Variants in MAX observed in about 807,000 individuals in gnomAD.
MAX encodes MYC associated transcriptional regulator X, also known as protein max.
A neutral mutation model predicts 22.3 loss-of-function variants in MAX; 3 were observed. The observed-to-expected ratio is 0.13, with a 90% confidence interval of 0.06 to 0.35. MAX has a LOEUF of 0.35. Ranked by LOEUF, MAX falls within the 10% of genes least tolerant of loss-of-function variation. MAX has a pLI of 1.00. For missense variants in MAX, 119 were observed against 209.4 expected (o/e 0.57, Z 2.66); for synonymous variants, 72 against 77.7 (o/e 0.93, Z 0.39).
chr14:65,027,452 G>A lies in MAX; in HGVS notation c.172-21168C>T. The A allele has an allele frequency of 6.2e-7, 1 of 1,614,200 alleles. No homozygotes were observed. The highest frequency in any genetic ancestry group is 1.6e-4 in the Middle Eastern group (1 of 6,062). ...TTTTTGCCCTTTGGCTGTGTACCTA[G>A]TGTGTGTCAGTTCCTGGAGCTGTGT... On this transcript the variant is annotated intron_variant, in intron 3 of 3. Coordinates refer to the MAX transcript ENST00000341653. This position sits in a 1 kb window ranked among gnomAD's most constrained non-coding sequence, Gnocchi z 5.7.
intron 3 of MAX, among the ~76,000 whole-genome samples, chr14:65,020,899 T>C (rs1372377080): frequency 6.6e-6 from 1 of 151,904 alleles, no homozygotes; most frequent in Non-Finnish European, 1.5e-5. Flanking sequence ...GCCCAGCTAA[T>C]TTTTGTATTT....
At chr14:65,060,397 G>A (rs1379865254) in intron 3 of MAX, among the ~76,000 whole-genome samples, 18 of 147,082 alleles carry the variant, frequency 1.2e-4, no homozygotes, top group Admixed American at 9.4e-4. Flanking sequence ...GAGACCAGCC[G>A]GACCAACATG....
At position 65,011,862 on chromosome 14, in the gene MAX, C is replaced by T. The variant is rs951009485; in HGVS notation, c.172-5578G>A. Among the ~76,000 whole-genome samples the T allele has an allele frequency of 6.6e-6, 1 of 151,998 alleles. No homozygotes were observed. The highest frequency in any genetic ancestry group is 2.4e-5 in the African/African-American group (1 of 41,360). On this transcript the variant is annotated intron_variant, in intron 3 of 3. Transcript: ENST00000341653. This position sits in a 1 kb window ranked among gnomAD's most constrained non-coding sequence, Gnocchi z 4.0. ...AGGCAGGCAGGGAGTAAATTATGGG[C>T]CTTGGAGAAGTCATCCCAGACGGGG...
chr14:65,078,643 C>T lies in MAX; in HGVS notation c.172-607G>A, dbSNP rs1024080578. On this transcript the variant is annotated intron_variant, in intron 3 of 4. Transcript: ENST00000358664. This position sits in a 1 kb window ranked among gnomAD's most constrained non-coding sequence, Gnocchi z 6.4. ...CTCCCAGGTTCAAGTGATTCTTCTG[C>T]CTCAGCCTCCAGAGTAGCTGGGATT... Among the ~76,000 whole-genome samples, 11 of 152,076 alleles carry T rather than the reference C, an allele frequency of 7.2e-5. No individual in the cohort carries two copies. Among genetic ancestry groups the T allele is most frequent in the Admixed American group, 5.9e-4 (9 of 15,266 alleles).
chr14:65,037,094 G>A (rs1209723042), intron 3 of MAX, among the ~76,000 whole-genome samples: 1 of 150,536 alleles, frequency 6.6e-6, no homozygotes, highest in Non-Finnish European at 1.5e-5. Context: ...TGTGTTTTCT[G>A]TGTTTGCTCT....
Position 65,012,042 on chromosome 14 carries a change from T to C in MAX, c.172-5758A>G. The C allele has an allele frequency of 2.8e-6, 1 of 363,284 alleles. No individual in the cohort carries two copies. Among genetic ancestry groups the C allele is most frequent in the Non-Finnish European group, 5.3e-6 (1 of 189,882 alleles). 22.5% of individuals were successfully genotyped at this position (363,284 alleles called of 1,614,324 possible). A position where few individuals can be genotyped will look rare whatever the true frequency, so the allele number is the denominator to read the frequency against. ...TGGCTGCGTGTGCTCATTGCGGCTT[T>C]TCCGTTAGCCCAAAGTCACTGCCTT... On this transcript the variant is annotated intron_variant, in intron 3 of 3. Coordinates refer to the MAX transcript ENST00000341653. The surrounding 1 kb of genome is among the most constrained non-coding windows in gnomAD (Gnocchi z 5.0).
chr14:65,099,694 T>G (rs1045776768), intron 2 of MAX, among the ~76,000 whole-genome samples: 4 of 147,828 alleles, frequency 2.7e-5, no homozygotes, highest in Non-Finnish European at 4.4e-5. Context: ...AACTGGAGAC[T>G]TGCAGGGAAA....
intron 3 of MAX, among the ~76,000 whole-genome samples, chr14:65,064,729 G>C (rs1026589522): frequency 2.0e-5 from 3 of 152,258 alleles, no homozygotes; most frequent in African/African-American, 7.2e-5. Flanking sequence ...TTCATTAGAA[G>C]CACGTAGTTT....
intron 3 of MAX, among the ~76,000 whole-genome samples, chr14:65,033,275 T>C (rs932518136): frequency 2.6e-5 from 4 of 152,236 alleles, no homozygotes; most frequent in African/African-American, 9.6e-5. Context: ...GCACATTTAC[T>C]TAAAATTTGA....
intron 3 of MAX, among the ~76,000 whole-genome samples, chr14:65,081,857 T>C (rs1218983000): frequency 2.6e-5 from 4 of 152,208 alleles, no homozygotes; most frequent in African/African-American, 9.6e-5. Context: ...GCCTCCCATG[T>C]AGCCATGTAA....
In MAX at chr14:65,031,080, T is replaced by A. The variant is rs2062072438; in HGVS notation, c.172-24796A>T. On this transcript the variant is annotated intron_variant, in intron 3 of 3. Transcript: ENST00000341653. The surrounding 1 kb of genome is among the most constrained non-coding windows in gnomAD (Gnocchi z 4.6). ...GCCTTAGCCTCCCAAAGTGCTGGGA[T>A]TACAGGCATGAGCTACCATGCCTGG... Among the ~76,000 whole-genome samples, 3 of 152,016 alleles carry A rather than the reference T, an allele frequency of 2.0e-5. No individual in the cohort carries two copies. The highest frequency in any genetic ancestry group is 6.6e-5 in the Admixed American group (1 of 15,262).
intron 3 of MAX, among the ~76,000 whole-genome samples, chr14:65,046,569 C>G (rs1328983821): frequency 2.6e-5 from 4 of 152,156 alleles, no homozygotes; most frequent in Non-Finnish European, 5.9e-5. Flanking sequence ...AATCTTGGTG[C>G]TTCCAGCTTT....
At chr14:65,065,888 C>T (rs1017974821) in intron 3 of MAX, among the ~76,000 whole-genome samples, 5 of 152,176 alleles carry the variant, frequency 3.3e-5, no homozygotes, top group Non-Finnish European at 7.4e-5. Flanking sequence ...GTATTACCTG[C>T]CTTTTACAAC....
intron 3 of MAX, among the ~76,000 whole-genome samples, chr14:65,091,046 G>A (rs2063492405): frequency 6.6e-6 from 1 of 152,140 alleles, no homozygotes; most frequent in Admixed American, 6.6e-5. Flanking sequence ...TAAGTCAAAG[G>A]AGACTGGAAC....
rs1198717458 is a variant in MAX at position 65,079,206 on chromosome 14, C to G, written c.172-1170G>C. The stretch of plus-strand genomic sequence containing the variant: ...AGCCAAACTCTGAAACCACTGTTAA[C>G]TATTCCGAACTGAACAATGCTGCTG... On this transcript the variant is annotated intron_variant, in intron 3 of 4. Coordinates refer to ENST00000358664, the MANE Select transcript of MAX (RefSeq NM_002382.5). This position sits in a 1 kb window ranked among gnomAD's most constrained non-coding sequence, Gnocchi z 4.5. Among the ~76,000 whole-genome samples, 1 of 152,230 alleles carries G rather than the reference C, an allele frequency of 6.6e-6. No homozygotes were observed. Among genetic ancestry groups the G allele is most frequent in the Admixed American group, 6.5e-5 (1 of 15,280 alleles).
At chr14:65,019,881 G>T (rs1422239825) in intron 3 of MAX, among the ~76,000 whole-genome samples, 2 of 152,180 alleles carry the variant, frequency 1.3e-5, no homozygotes, top group African/African-American at 4.8e-5. Flanking sequence ...ATAAATAGAA[G>T]ATTTTTTTTA....
At chr14:65,037,875 G>C (rs571021014) in intron 3 of MAX, among the ~76,000 whole-genome samples, 121 of 151,188 alleles carry the variant, frequency 8.0e-4, no homozygotes, top group African/African-American at 2.7e-3. Flanking sequence ...TTTCTCCCAG[G>C]TTCAAGCGAT....
downstream of MAX, among the ~76,000 whole-genome samples, chr14:65,070,790 C>G (rs974073901): frequency 6.6e-6 from 1 of 152,238 alleles, no homozygotes; most frequent in Non-Finnish European, 1.5e-5. This position sits in a 1 kb window ranked among gnomAD's most constrained non-coding sequence, Gnocchi z 4.4. Context: ...ATAACCAGCC[C>G]TGGGCAAGAA....
At position 65,038,055 on chromosome 14, in the gene MAX, G is replaced by A. The variant is rs151107732; in HGVS notation, c.172-31771C>T. ...GCTGGGATTACAGGCATGAGCCCCC[G>A]CACCTGGCCAGCCTTTTAAAAATAT... is the stretch of plus-strand genomic sequence containing the variant. On this transcript the variant is annotated intron_variant, in intron 3 of 3. Coordinates refer to the MAX transcript ENST00000341653. Among the ~76,000 whole-genome samples the A allele has an allele frequency of 7.1e-3, 1,085 of 151,960 alleles. 14 individuals carry two copies. The highest frequency in any genetic ancestry group is 0.025 in the African/African-American group (1,025 of 41,460).
Sources: allele counts gnomAD v4.1 joint callset (sites outside exome capture counted in the v4.1 genomes callset), GRCh38; gene constraint gnomAD v4.1.1; non-coding constraint Gnocchi (gnomAD v3.1); transcripts MANE v1.5; gene names NCBI Gene and HGNC (gene_info 2026-07-23, HGNC 2026-07-21).